SLC25A48: variants seen among roughly 807,000 people sequenced by gnomAD.
The protein encoded by SLC25A48 is solute carrier family 25 member 48.
SLC25A48 carries 29 observed loss-of-function variants against 32.2 expected under a neutral mutation model. The observed-to-expected ratio is 0.90, with a 90% CI of 0.67 to 1.23. The LOEUF (loss-of-function observed/expected upper bound fraction) is 1.23. SLC25A48 is among the 50% of genes most tolerant of loss of function. The pLI, the probability that SLC25A48 is intolerant of heterozygous loss-of-function variation, is 0.00. For synonymous variants in SLC25A48, 164 were observed against 172.3 expected (o/e 0.95, Z 0.38); for missense variants, 399 against 422.7 (o/e 0.94, Z 0.49).
chr5:135,814,550 CCTT>C (rs1391482316), intron 4 of SLC25A48, among the ~76,000 whole-genome samples: 1 of 152,168 alleles, frequency 6.6e-6, no homozygotes, highest in African/African-American at 2.4e-5. Flanking sequence ...GTGTCCCTCT[CCTT>C]CTAGATGGTG....
intron 1 of SLC25A48, among the ~76,000 whole-genome samples, chr5:135,596,197 G>A (rs920425181): frequency 1.3e-5 from 2 of 152,176 alleles, no homozygotes; most frequent in Non-Finnish European, 2.9e-5. Context: ...TGAACATTCT[G>A]TATATTTGAT....
In SLC25A48 at chr5:135,588,816, G is replaced by T. The variant is rs367788836; in HGVS notation, c.-849+9219G>T. On this transcript the variant is annotated intron_variant, in intron 1 of 10. Transcript: ENST00000646290. Reference sequence around the variant, plus strand: ...CACAGGGAGTGTGGGCAGCAAGAGGGTATTGCGGAGAGCCTTGAATGCTGC... The same window carrying T: ...CACAGGGAGTGTGGGCAGCAAGAGGTTATTGCGGAGAGCCTTGAATGCTGC... 2.2e-4 allele frequency among the ~76,000 whole-genome samples: 34 copies of T among 152,300 alleles called. No homozygotes were observed. In the East Asian group the frequency reaches 5.0e-3, roughly 22 times the overall value.
intron 3 of SLC25A48, among the ~76,000 whole-genome samples, chr5:135,635,387 G>A (rs1457912576): frequency 6.6e-6 from 1 of 152,196 alleles, no homozygotes; most frequent in Non-Finnish European, 1.5e-5. Flanking sequence ...AATTAAACAG[G>A]TAGAGTGGAC....
chr5:135,646,659 T>TTTTATATATATATATATATATATATA lies in SLC25A48; in HGVS notation c.-521+11704_-521+11705insTTATATATATATATATATATATATAT, dbSNP rs1339935279. On this transcript the variant is annotated intron_variant, in intron 3 of 10. Coordinates refer to the SLC25A48 transcript ENST00000646290. ...TACGCATTTATAATATAATTTCCCA[T>TTTTATATATATATATATATATATATA]TATATATATATATATATATACAATG... Among the ~76,000 whole-genome samples, 118 of 125,382 alleles carry TTTTATATATATATATATATATATATA rather than the reference T, an allele frequency of 9.4e-4. 2 individuals are homozygous for TTTTATATATATATATATATATATATA. The highest frequency in any genetic ancestry group is 3.3e-3 in the African/African-American group (109 of 33,520). 82.3% of individuals were successfully genotyped at this position (125,382 alleles called of 152,430 possible).
chr5:135,624,476 A>T (rs1327480950), intron 1 of SLC25A48, among the ~76,000 whole-genome samples: 3 of 152,258 alleles, frequency 2.0e-5, no homozygotes, highest in Admixed American at 2.0e-4. Flanking sequence ...AAATAAATAT[A>T]AAATAAATAA....
At chr5:135,631,722 A>G (rs540473756) in intron 2 of SLC25A48, among the ~76,000 whole-genome samples, 1 of 152,234 alleles carries the variant, frequency 6.6e-6, no homozygotes, top group Admixed American at 6.5e-5. Context: ...GAACAGGGCT[A>G]CTCCAGAGGG....
intron 4 of SLC25A48, among the ~76,000 whole-genome samples, chr5:135,864,405 C>G (rs1036765375): frequency 1.3e-5 from 2 of 152,158 alleles, no homozygotes; most frequent in African/African-American, 4.8e-5. Flanking sequence ...TTTCCCAGTA[C>G]AGGGTAGGGG....
chr5:135,833,567 C>G (rs1758284884), upstream of SLC25A48, among the ~76,000 whole-genome samples: 2 of 152,206 alleles, frequency 1.3e-5, no homozygotes, highest in Non-Finnish European at 1.5e-5. Flanking sequence ...CTGAGTGGGT[C>G]ACCATAAGCA....
At chr5:135,790,804 C>T (rs1413627887) in intron 3 of SLC25A48, among the ~76,000 whole-genome samples, 4 of 141,924 alleles carry the variant, frequency 2.8e-5, no homozygotes, top group African/African-American at 1.1e-4. Flanking sequence ...TTTGTAAAAT[C>T]CTTGGTGGAT....
chr5:135,611,885 A>G (rs1285050393), intron 1 of SLC25A48, among the ~76,000 whole-genome samples: 2 of 152,256 alleles, frequency 1.3e-5, no homozygotes, highest in Non-Finnish European at 2.9e-5. Context: ...GAACCCAACA[A>G]AAGACACAGC....
intron 3 of SLC25A48, chr5:135,653,909 G>T: frequency 2.2e-6 from 1 of 456,264 alleles, no homozygotes; most frequent in Non-Finnish European, 4.4e-6. Flanking sequence ...TATACTCAGG[G>T]TTCTCATAGG....
At chr5:135,880,179 C>A (rs1255843811) in intron 7 of SLC25A48, 82 bp downstream of exon 7, 4 of 1,474,944 alleles carry the variant, frequency 2.7e-6, no homozygotes, top group Non-Finnish European at 9.0e-7. Context: ...AATGTTGTGG[C>A]CTTCTGAAAT....
intron 3 of SLC25A48, among the ~76,000 whole-genome samples, chr5:135,684,806 G>T (rs1284382552): frequency 6.6e-6 from 1 of 152,178 alleles, no homozygotes; most frequent in Non-Finnish European, 1.5e-5. Flanking sequence ...GTGTTCCATT[G>T]TGTGGGTATA....
At chr5:135,821,746 C>T (rs1186272353) in intron 4 of SLC25A48, 8 of 152,224 alleles carry the variant, frequency 5.3e-5, no homozygotes, top group Admixed American at 5.2e-4. Flanking sequence ...TGGCACCAGA[C>T]CTTATGACTT....
chr5:135,666,729 C>G (rs1753534182), intron 3 of SLC25A48, among the ~76,000 whole-genome samples: 1 of 151,948 alleles, frequency 6.6e-6, no homozygotes, highest in African/African-American at 2.4e-5. Flanking sequence ...ATTTTAGGAA[C>G]CCAATTGAGA....
At chr5:135,864,461 G>A (rs1761040602) in intron 4 of SLC25A48, among the ~76,000 whole-genome samples, 1 of 152,196 alleles carries the variant, frequency 6.6e-6, no homozygotes, top group Admixed American at 6.5e-5. Context: ...CCTTAAAGAT[G>A]AAACCTTATG....
rs181152174 is a variant in SLC25A48 at position 135,864,788 on chromosome 5, G to A, written c.422-6673G>A. The stretch of plus-strand genomic sequence containing the variant: ...CATATTACACCATTGTACAAATTAC[G>A]TACATTGGTGACACATGGTTTATTT... On this transcript the variant is annotated intron_variant, in intron 4 of 7. Transcript: ENST00000681962. Among the ~76,000 whole-genome samples the A allele has an allele frequency of 3.8e-3, 572 of 152,316 alleles. 3 individuals carry two copies. Among genetic ancestry groups the A allele is most frequent in the African/African-American group, 0.011 (475 of 41,558 alleles).
chr5:135,803,058 G>A (rs981344929), intron 3 of SLC25A48: 4 of 150,886 alleles, frequency 2.7e-5, no homozygotes, highest in African/African-American at 9.7e-5. Context: ...TATCACAGTG[G>A]GTATATACAA....
At chr5:135,754,311 T>C (rs1055908308) in intron 3 of SLC25A48, among the ~76,000 whole-genome samples, 1 of 152,042 alleles carries the variant, frequency 6.6e-6, no homozygotes, top group African/African-American at 2.4e-5. Context: ...ATATGATAAA[T>C]GCCATTTGCC....
Sources: allele counts gnomAD v4.1 joint callset (sites outside exome capture counted in the v4.1 genomes callset), GRCh38; gene constraint gnomAD v4.1.1; transcripts MANE v1.5; gene names NCBI Gene and HGNC (gene_info 2026-07-23, HGNC 2026-07-21).